FIGN: variants seen among roughly 807,000 people sequenced by gnomAD.
The protein encoded by FIGN is fidgetin.
In FIGN, 11 loss-of-function variants were observed where a neutral mutation model predicts 51.3. That is an observed-to-expected ratio of 0.21 (90% CI 0.13 to 0.35). The LOEUF is 0.35. FIGN is among the 10% of genes least tolerant of loss of function. FIGN has a pLI of 1.00. For synonymous variants in FIGN, 407 were observed against 363.2 expected (o/e 1.12, Z -1.37); for missense variants, 857 against 943.6 (o/e 0.91, Z 1.20).
At chr2:163,613,908 TAATC>T (rs1272926818) in intron 2 of FIGN, among the ~76,000 whole-genome samples, 2 of 152,156 alleles carry the variant, frequency 1.3e-5, no homozygotes, top group African/African-American at 4.8e-5. Context: ...CAGTGTAACT[TAATC>T]AACCTAAATA....
chr2:163,709,738 C>A (rs1310559882), intron 2 of FIGN, among the ~76,000 whole-genome samples: 1 of 151,996 alleles, frequency 6.6e-6, no homozygotes, highest in Non-Finnish European at 1.5e-5. Flanking sequence ...AAACATAAAA[C>A]ACATACTTCG....
intron 2 of FIGN, among the ~76,000 whole-genome samples, chr2:163,660,879 A>G (rs79755177): frequency 4.5e-4 from 3 of 6,670 alleles, no homozygotes; most frequent in Non-Finnish European, 5.5e-4. Context: ...ATATATATAT[A>G]TTTTTTTTTT....
At chr2:163,674,332 A>C (rs532028509) in intron 2 of FIGN, among the ~76,000 whole-genome samples, 1 of 152,262 alleles carries the variant, frequency 6.6e-6, no homozygotes, top group African/African-American at 2.4e-5. Flanking sequence ...ACGCTTTTCT[A>C]ATGTAGAGAT....
chr2:163,729,212 A>C (rs1362295226), intron 2 of FIGN, among the ~76,000 whole-genome samples: 2 of 152,130 alleles, frequency 1.3e-5, no homozygotes, highest in African/African-American at 4.8e-5. Context: ...ATACACACAT[A>C]TATATTTCAT....
At chr2:163,628,965 T>C (rs1683099768) in intron 2 of FIGN, among the ~76,000 whole-genome samples, 1 of 152,114 alleles carries the variant, frequency 6.6e-6, no homozygotes, top group Non-Finnish European at 1.5e-5. Flanking sequence ...ACAATTTGTC[T>C]CTCCTTGGAG....
At chr2:163,612,454 C>G in intron 2 of FIGN, 1 of 985,300 alleles carries the variant, frequency 1.0e-6, no homozygotes, top group African/African-American at 1.7e-5. Flanking sequence ...ACGACAGTTT[C>G]AAATCTGCTT....
chr2:163,614,790 A>G (rs1303926648), intron 2 of FIGN, among the ~76,000 whole-genome samples: 1 of 152,142 alleles, frequency 6.6e-6, no homozygotes, highest in East Asian at 1.9e-4. Flanking sequence ...AAAGAAATAT[A>G]CTTTTTAACT....
intron 2 of FIGN, among the ~76,000 whole-genome samples, chr2:163,668,332 G>A (rs1683817700): frequency 6.6e-6 from 1 of 152,062 alleles, no homozygotes; most frequent in Non-Finnish European, 1.5e-5. Context: ...AACCAGTAAA[G>A]GATACCAAGA....
chr2:163,675,141 G>T (rs138476917), intron 2 of FIGN, among the ~76,000 whole-genome samples: 1 of 152,308 alleles, frequency 6.6e-6, no homozygotes, highest in African/African-American at 2.4e-5. Flanking sequence ...TGATCCAAAA[G>T]ATTTGAAGTA....
At chr2:163,734,557 CAAAAAA>C (rs34286375) in intron 2 of FIGN, among the ~76,000 whole-genome samples, 3 of 102,864 alleles carry the variant, frequency 2.9e-5, no homozygotes, top group Admixed American at 1.1e-4. Flanking sequence ...CTCCCTCCTT[CAAAAAA>C]AAAAAAAAAA....
At chr2:163,728,385 T>C (rs552052227) in intron 2 of FIGN, among the ~76,000 whole-genome samples, 1 of 138,412 alleles carries the variant, frequency 7.2e-6, no homozygotes, top group East Asian at 2.2e-4. Flanking sequence ...TGTAACTGCA[T>C]GCAAACCATT....
At chr2:163,677,449 G>A (rs1420865882) in intron 2 of FIGN, among the ~76,000 whole-genome samples, 1 of 152,206 alleles carries the variant, frequency 6.6e-6, no homozygotes, top group East Asian at 1.9e-4. Context: ...GGCCACATGT[G>A]TCTAGTGAGT....
chr2:163,723,575 AT>A (rs1191541297), intron 2 of FIGN, among the ~76,000 whole-genome samples: 5 of 152,202 alleles, frequency 3.3e-5, no homozygotes, highest in African/African-American at 1.2e-4. Flanking sequence ...TCCTAGTAGG[AT>A]TTCAACAAGC....
rs535234200 is a variant in FIGN at position 163,731,848 on chromosome 2, CAAT to C, written c.25+3052_25+3054del. Reference sequence around the variant, plus strand: ...GTCTTACCCTCTTCCAGGAAAACAACAATGAGACTTTATTACCCTGCTATGATT... The same window carrying C: ...GTCTTACCCTCTTCCAGGAAAACAACGAGACTTTATTACCCTGCTATGATT... On this transcript the variant is annotated intron_variant, in intron 2 of 2. Coordinates refer to ENST00000333129, the MANE Select transcript of FIGN (RefSeq NM_018086.4). Among the ~76,000 whole-genome samples, 199 of 152,140 alleles carry C rather than the reference CAAT, an allele frequency of 1.3e-3. 1 individual carries two copies. Among genetic ancestry groups the C allele is most frequent in the Non-Finnish European group, 2.1e-3 (145 of 67,972 alleles).
chr2:163,655,382 C>T (rs776945668), intron 2 of FIGN, among the ~76,000 whole-genome samples: 2 of 152,142 alleles, frequency 1.3e-5, no homozygotes, highest in Non-Finnish European at 2.9e-5. Flanking sequence ...TGTGCTATGA[C>T]TCTAAAGGTT....
chr2:163,640,579 C>A (rs1256155010), intron 2 of FIGN, among the ~76,000 whole-genome samples: 3 of 152,024 alleles, frequency 2.0e-5, no homozygotes, highest in African/African-American at 7.3e-5. Flanking sequence ...CGATTTGATT[C>A]ATTTGTCTAG....
chr2:163,703,088 C>G (rs1474608287), intron 2 of FIGN, among the ~76,000 whole-genome samples: 2 of 147,068 alleles, frequency 1.4e-5, no homozygotes, highest in African/African-American at 5.0e-5. Context: ...AGCGGTTTAT[C>G]AAAATAAATG....
intron 2 of FIGN, among the ~76,000 whole-genome samples, chr2:163,651,972 A>C (rs1369377186): frequency 6.6e-6 from 1 of 152,198 alleles, no homozygotes; most frequent in Non-Finnish European, 1.5e-5. Context: ...TTCATTGATC[A>C]AAATGTGTAC....
chr2:163,696,834 ATTTTTTTT>A (rs773678447), intron 2 of FIGN, among the ~76,000 whole-genome samples: 1 of 135,716 alleles, frequency 7.4e-6, no homozygotes, highest in Non-Finnish European at 1.6e-5. Flanking sequence ...TGTCTGGCTA[ATTTTTTTT>A]TTTTTTTTTT....
Sources: gnomAD v4.1 joint callset for allele counts (sites outside exome capture counted in the v4.1 genomes callset) on GRCh38, gnomAD v4.1.1 for gene constraint, MANE v1.5 for transcripts, NCBI Gene and HGNC (gene_info 2026-07-23, HGNC 2026-07-21) for gene names.